The following COL23A1 variants were observed in gnomAD, a reference collection of about 807,000 sequenced individuals.
COL23A1 encodes collagen type XXIII alpha 1 chain, also known as collagen alpha-1(XXIII) chain.
Under a neutral mutation model 99.3 loss-of-function variants are expected in COL23A1, and 97 were observed. The ratio of observed to expected loss-of-function variants is 0.98; its 90% CI spans 0.83 to 1.16. The LOEUF is 1.16. Among genes scored for constraint, COL23A1 ranks in the 50% most tolerant of loss-of-function variants. The pLI, the probability that COL23A1 is intolerant of heterozygous loss-of-function variation, is 0.00. For missense variants in COL23A1, 762 were observed against 757.4 expected (o/e 1.01, Z -0.07); for synonymous variants, 320 against 308.2 (o/e 1.04, Z -0.40).
At chr5:178,534,239 T>C (rs893411382) in intron 2 of COL23A1, among the ~76,000 whole-genome samples, 19 of 152,146 alleles carry the variant, frequency 1.2e-4, no homozygotes, top group African/African-American at 4.6e-4. Context: ...ACCATCTTAT[T>C]GTACCTTCAC....
At chr5:178,291,412 C>CAT (rs1403010736) in intron 3 of COL23A1, among the ~76,000 whole-genome samples, 6 of 152,172 alleles carry the variant, frequency 3.9e-5, no homozygotes, top group African/African-American at 1.2e-4. Flanking sequence ...AAGCTCCATG[C>CAT]ATAGCACAAG....
At chr5:178,542,526 G>A (rs186300783) in intron 2 of COL23A1, among the ~76,000 whole-genome samples, 3 of 152,244 alleles carry the variant, frequency 2.0e-5, no homozygotes, top group South Asian at 2.1e-4. Context: ...CTGGCTGACC[G>A]GGGGAAAGAA....
At chr5:178,378,539 G>A (rs182876163) in intron 2 of COL23A1, among the ~76,000 whole-genome samples, 42 of 152,344 alleles carry the variant, frequency 2.8e-4, no homozygotes, top group South Asian at 1.7e-3. Context: ...CTCAAGTGAG[G>A]GTTAGGGCTG....
At chr5:178,249,716 A>ACACACACACACACACTCACTCTCT in intron 18 of COL23A1, among the ~76,000 whole-genome samples, 1 of 92,808 alleles carries the variant, frequency 1.1e-5, no homozygotes, top group African/African-American at 4.3e-5. Flanking sequence ...ACACACACAC[A>ACACACACACACACACTCACTCTCT]CTCTCTCTCT....
intron 2 of COL23A1, among the ~76,000 whole-genome samples, chr5:178,540,809 C>G (rs1347593203): frequency 1.3e-5 from 2 of 152,222 alleles, no homozygotes; most frequent in East Asian, 1.9e-4. Context: ...TGCCTGTGGT[C>G]CCAGCTACTC....
At chr5:178,556,287 A>AT (rs1210889512) in intron 2 of COL23A1, among the ~76,000 whole-genome samples, 2 of 152,256 alleles carry the variant, frequency 1.3e-5, no homozygotes, top group East Asian at 3.9e-4. Context: ...CTGTTGCGTT[A>AT]TTAAAAAAAA....
chr5:178,342,361 A>AT (rs1488091450), intron 2 of COL23A1, among the ~76,000 whole-genome samples: 1 of 152,124 alleles, frequency 6.6e-6, no homozygotes, highest in Non-Finnish European at 1.5e-5. Context: ...CCCCTCCTGC[A>AT]TTTATCATCC....
intron 5 of COL23A1, among the ~76,000 whole-genome samples, chr5:178,274,578 G>GT (rs376290879): frequency 0.55 from 78,553 of 143,790 alleles, 23,019 homozygotes; most frequent in Non-Finnish European, 0.7. Flanking sequence ...GGCTGGGTGT[G>GT]GGGGGGGTCT....
intron 2 of COL23A1, among the ~76,000 whole-genome samples, chr5:178,336,209 A>G (rs1760307030): frequency 6.6e-6 from 1 of 152,240 alleles, no homozygotes; most frequent in African/African-American, 2.4e-5. Flanking sequence ...CAGAGTTACC[A>G]TATGACCCAG....
At chr5:178,421,784 G>A (rs968093452) in intron 2 of COL23A1, among the ~76,000 whole-genome samples, 3 of 152,188 alleles carry the variant, frequency 2.0e-5, no homozygotes, top group Admixed American at 1.3e-4. Flanking sequence ...CATGAGAATC[G>A]CTTGAACCCG....
intron 28 of COL23A1, 26 bp downstream of exon 28, chr5:178,239,115 G>A (rs1047882133): frequency 1.2e-6 from 2 of 1,611,094 alleles, no homozygotes; most frequent in African/African-American, 2.7e-5. Context: ...TCCCAAGCCT[G>A]CCCTGGAGAC....
intron 2 of COL23A1, among the ~76,000 whole-genome samples, chr5:178,431,297 C>T (rs1252361957): frequency 1.3e-5 from 2 of 152,132 alleles, no homozygotes; most frequent in African/African-American, 2.4e-5. Flanking sequence ...TTGGAAAGCT[C>T]GTTCTGGGGG....
intron 2 of COL23A1, among the ~76,000 whole-genome samples, chr5:178,390,858 G>GTAA (rs1228442361): frequency 5.3e-5 from 8 of 152,348 alleles, no homozygotes; most frequent in Non-Finnish European, 1.2e-4. Context: ...AAATCTTCAT[G>GTAA]ATCTTGGTAT....
chr5:178,416,961 TC>T (rs1765345070), intron 2 of COL23A1, among the ~76,000 whole-genome samples: 1 of 152,176 alleles, frequency 6.6e-6, no homozygotes, highest in African/African-American at 2.4e-5. Flanking sequence ...CTCTCCTCTC[TC>T]AGCCCTCCCC....
At chr5:178,543,663 T>C (rs1190493490) in intron 2 of COL23A1, among the ~76,000 whole-genome samples, 1 of 152,160 alleles carries the variant, frequency 6.6e-6, no homozygotes, top group Non-Finnish European at 1.5e-5. Flanking sequence ...CACCTGGGCC[T>C]GCATCTCTCA....
intron 2 of COL23A1, among the ~76,000 whole-genome samples, chr5:178,358,248 G>GTGTGTGTGTATGTATA (rs1554145309): frequency 1.3e-4 from 16 of 125,724 alleles, no homozygotes; most frequent in African/African-American, 4.3e-4. Flanking sequence ...GTATGTGTAT[G>GTGTGTGTGTATGTATA]TGTGTGTATG....
intron 16 of COL23A1, 74 bp from the exon 17 acceptor site, chr5:178,252,671 A>G (rs1652421016): frequency 1.5e-6 from 2 of 1,344,008 alleles, no homozygotes; most frequent in South Asian, 2.6e-5. Flanking sequence ...CCAGCTCCCC[A>G]CCTGGAATCA....
intron 2 of COL23A1, among the ~76,000 whole-genome samples, chr5:178,312,461 G>T (rs1758749582): frequency 6.6e-6 from 1 of 152,132 alleles, no homozygotes; most frequent in Admixed American, 6.5e-5. Flanking sequence ...TCTCATCTCT[G>T]GTTGGGGTGG....
intron 2 of COL23A1, among the ~76,000 whole-genome samples, chr5:178,530,804 C>G (rs1347889071): frequency 6.6e-6 from 1 of 152,248 alleles, no homozygotes; most frequent in Non-Finnish European, 1.5e-5. Context: ...CCAGCTGACA[C>G]TGAGTCAGCA....
Sources: gnomAD v4.1 joint callset for allele counts (sites outside exome capture counted in the v4.1 genomes callset) on GRCh38, gnomAD v4.1.1 for gene constraint, MANE v1.5 for transcripts, NCBI Gene and HGNC (gene_info 2026-07-23, HGNC 2026-07-21) for gene names.